Variants in NXPE4 observed in about 807,000 individuals in gnomAD.
NXPE4 encodes NXPE family member 4.
A neutral mutation model predicts 33.3 loss-of-function variants in NXPE4; 42 were observed. The observed-to-expected ratio is 1.26, with a 90% CI of 0.98 to 1.63. The LOEUF (loss-of-function observed/expected upper bound fraction) is 1.63. Ranked by LOEUF, NXPE4 falls within the 40% of genes most tolerant of loss-of-function variation. The pLI is 0.00. For missense variants in NXPE4, 709 were observed against 647.6 expected, an observed-to-expected ratio of 1.09 and a Z score of -1.03; for synonymous variants, 253 against 234.9, an observed-to-expected ratio of 1.08 and a Z score of -0.71.
the NXPE4 span, among the ~76,000 whole-genome samples, chr11:114,616,546 T>G: frequency 6.6e-6 from 1 of 151,614 alleles, no homozygotes; most frequent in Non-Finnish European, 1.5e-5. Flanking sequence ...TGTTACCCAG[T>G]GGATAAAAAT....
At chr11:114,610,224 G>A in the NXPE4 span, among the ~76,000 whole-genome samples, 1 of 151,802 alleles carries the variant, frequency 6.6e-6, no homozygotes, top group African/African-American at 2.4e-5. Flanking sequence ...TCAATAATAA[G>A]TGTTGCCTCG....
At chr11:114,626,920 T>C in the NXPE4 span, among the ~76,000 whole-genome samples, 13,349 of 150,360 alleles carry the variant, frequency 0.089, 663 homozygotes, top group Middle Eastern at 0.19. Context: ...AGGGTATCAG[T>C]GATGGAAGAT....
the NXPE4 span, among the ~76,000 whole-genome samples, chr11:114,654,891 G>A: frequency 2.0e-5 from 3 of 152,094 alleles, no homozygotes; most frequent in Non-Finnish European, 4.4e-5. Flanking sequence ...TTGAGGAATC[G>A]CTATACTGTC....
At chr11:114,626,191 G>T in the NXPE4 span, among the ~76,000 whole-genome samples, 9 of 152,192 alleles carry the variant, frequency 5.9e-5, no homozygotes, top group African/African-American at 2.2e-4. Context: ...AAGGAGGGCT[G>T]CCTGCCTCTG....
At chr11:114,645,968 A>G in the NXPE4 span, among the ~76,000 whole-genome samples, 15 of 152,132 alleles carry the variant, frequency 9.9e-5, no homozygotes, top group African/African-American at 3.6e-4. Flanking sequence ...AAATATGTAT[A>G]TAGCCTTTGA....
At chr11:114,609,695 T>C in the NXPE4 span, among the ~76,000 whole-genome samples, 1 of 151,498 alleles carries the variant, frequency 6.6e-6, no homozygotes. Flanking sequence ...TCCTCATGGG[T>C]AACCACTGTT....
chr11:114,631,683 A>C, the NXPE4 span, among the ~76,000 whole-genome samples: 4 of 151,858 alleles, frequency 2.6e-5, no homozygotes, highest in East Asian at 3.9e-4. Context: ...ATATAAAAAA[A>C]GTATTGCCTC....
the NXPE4 span, among the ~76,000 whole-genome samples, chr11:114,658,337 G>A: frequency 2.0e-5 from 3 of 152,114 alleles, no homozygotes; most frequent in Non-Finnish European, 4.4e-5. Flanking sequence ...GCTGAATGTG[G>A]GCTAGTATGA....
At chr11:114,630,133 G>A in the NXPE4 span, among the ~76,000 whole-genome samples, 1 of 151,696 alleles carries the variant, frequency 6.6e-6, no homozygotes, top group South Asian at 2.1e-4. Context: ...TACCCATCAA[G>A]CTACCAATGA....
Position 114,582,463 on chromosome 11 carries a change from A to G in NXPE4, c.655T>C (p.Cys219Arg), listed in dbSNP as rs1179135982. 6.2e-7 allele frequency: 1 copy of G among 1,614,082 alleles called. No individual in the cohort carries two copies. The highest frequency in any genetic ancestry group is 8.5e-7 in the Non-Finnish European group (1 of 1,180,018). The change falls in exon 3 of 6, where the codon TGT becomes CGT. Residue 219 changes from cysteine (C) to arginine (R), a missense_variant. By Grantham distance (180) the Cys-to-Arg change is radical. Coordinates refer to ENST00000375478, the MANE Select transcript of NXPE4 (RefSeq NM_001077639.2). ...GCATTTGTGTTTAGGATCAGGCCAC[A>G]TTCAGAGTGGACTTGGGAAGTGCCA... ...VNGTSQVHSE[C>R]GLILNTNAEL...
At chr11:114,636,224 T>C in the NXPE4 span, among the ~76,000 whole-genome samples, 17 of 152,124 alleles carry the variant, frequency 1.1e-4, no homozygotes, top group South Asian at 8.3e-4. Context: ...TTATCCATTT[T>C]TTCTAGATTC....
At chr11:114,659,798 G>A in the NXPE4 span, among the ~76,000 whole-genome samples, 15,906 of 151,972 alleles carry the variant, frequency 0.1, 1,029 homozygotes, top group African/African-American at 0.18. Context: ...CCCAAAGTAA[G>A]CAGAGGAAAA....
the NXPE4 span, among the ~76,000 whole-genome samples, chr11:114,628,946 C>A: frequency 1.1e-4 from 16 of 152,110 alleles, no homozygotes; most frequent in East Asian, 2.9e-3. Context: ...TTCCTCGACA[C>A]ATACACCCTC....
intron 5 of NXPE4, among the ~76,000 whole-genome samples, chr11:114,572,134 C>G (rs1157750691): frequency 6.6e-6 from 1 of 152,012 alleles, no homozygotes; most frequent in Non-Finnish European, 1.5e-5. Flanking sequence ...CACTGGGTTG[C>G]GAGACTCAGG....
intron 2 of NXPE4, among the ~76,000 whole-genome samples, chr11:114,587,393 A>T (rs1219342781): frequency 2.0e-5 from 3 of 152,216 alleles, no homozygotes; most frequent in Non-Finnish European, 4.4e-5. Flanking sequence ...CATAATAGCA[A>T]ATTGTACAGC....
upstream of NXPE4, among the ~76,000 whole-genome samples, chr11:114,598,307 G>C (rs1395245184): frequency 4.8e-5 from 1 of 20,982 alleles, no homozygotes; most frequent in African/African-American, 2.3e-4. Context: ...GAGTGCCTTT[G>C]GTTTTTCCAG....
At chr11:114,622,831 T>C in the NXPE4 span, among the ~76,000 whole-genome samples, 1 of 152,008 alleles carries the variant, frequency 6.6e-6, no homozygotes, top group African/African-American at 2.4e-5. Context: ...TCTTACCCAG[T>C]GGATAGTAAG....
At chr11:114,649,893 G>A in the NXPE4 span, among the ~76,000 whole-genome samples, 1 of 152,188 alleles carries the variant, frequency 6.6e-6, no homozygotes, top group East Asian at 1.9e-4. Context: ...AGGGATTCTA[G>A]GGCTGGTTGG....
intron 2 of NXPE4, among the ~76,000 whole-genome samples, chr11:114,594,221 G>A (rs946593408): frequency 5.3e-5 from 8 of 151,954 alleles, no homozygotes; most frequent in East Asian, 1.9e-4. Flanking sequence ...AATTCTTGAG[G>A]CAATGAATAC....
Sources: allele counts gnomAD v4.1 joint callset (sites outside exome capture counted in the v4.1 genomes callset), GRCh38; gene constraint gnomAD v4.1.1; transcripts MANE v1.5; gene names NCBI Gene and HGNC (gene_info 2026-07-23, HGNC 2026-07-21).